Variants in ZFHX3 observed in about 807,000 individuals in gnomAD.
The protein encoded by ZFHX3 is zinc finger homeobox 3.
A neutral mutation model predicts 279.1 loss-of-function variants in ZFHX3; 42 were observed. That is an observed-to-expected ratio of 0.15 (90% CI 0.12 to 0.19). The LOEUF is 0.19. Ranked by LOEUF, ZFHX3 falls within the 10% of genes least tolerant of loss-of-function variation. The pLI is 1.00. For missense variants in ZFHX3, 4,981 were observed against 4,754.0 expected, an observed-to-expected ratio of 1.05 and a Z score of -1.40; for synonymous variants, 2,293 against 1,957.8, an observed-to-expected ratio of 1.17 and a Z score of -4.52.
At chr16:73,580,250 C>T (rs140964604) in intron 2 of ZFHX3, among the ~76,000 whole-genome samples, 2,235 of 151,926 alleles carry the variant, frequency 0.015, 25 homozygotes, top group Non-Finnish European at 0.023. Context: ...GAGGCCAAGG[C>T]GGGCAGATCA....
intron 1 of ZFHX3, among the ~76,000 whole-genome samples, chr16:73,730,727 T>C (rs1311531167): frequency 6.6e-6 from 1 of 152,242 alleles, no homozygotes; most frequent in African/African-American, 2.4e-5. Context: ...AAGCGTGATA[T>C]TTCCGGCCAT....
In ZFHX3 at chr16:72,959,559, T is replaced by C; in HGVS notation, c.587A>G (p.Asn196Ser). The change falls in exon 2 of 10, where the codon AAC (asparagine) becomes AGC (serine). Residue 196 changes from asparagine (N) to serine (S), a missense_variant. This residue lies in a region of ZFHX3 where 1,068 missense variants were observed against 935.2 expected (regional missense o/e 1.14). Coordinates refer to ENST00000268489, the MANE Select transcript of ZFHX3 (RefSeq NM_006885.4). ...GAAGGATGAGGCTATGTGGAAAGTG[T>C]TGATGATCTGCGGGTACACGGGTGC... ...CAAPVYPQII[N>S]TFHIASSFGK... 2 of 1,614,198 alleles carry C rather than the reference T, an allele frequency of 1.2e-6. No individual in the cohort carries two copies. The highest frequency in any genetic ancestry group is 1.7e-6 in the Non-Finnish European group (2 of 1,180,040).
chr16:73,415,495 G>A (rs1246575346), intron 3 of ZFHX3, among the ~76,000 whole-genome samples: 1 of 152,158 alleles, frequency 6.6e-6, no homozygotes, highest in African/African-American at 2.4e-5. Flanking sequence ...GGGAGAAAAG[G>A]GCTGATTCAT....
intron 4 of ZFHX3, among the ~76,000 whole-genome samples, chr16:72,850,323 A>G (rs1476235030): frequency 2.0e-5 from 3 of 152,234 alleles, no homozygotes; most frequent in South Asian, 2.1e-4. Context: ...CTTCACTCCT[A>G]CGCTTCAGTA....
intron 5 of ZFHX3, chr16:72,829,409 A>T: frequency 9.9e-6 from 2 of 201,836 alleles, no homozygotes; most frequent in Non-Finnish European, 2.0e-5. Flanking sequence ...CAGCGACTGG[A>T]CCTTCAATAG....
chr16:73,572,683 G>A (rs568455069), intron 2 of ZFHX3, among the ~76,000 whole-genome samples: 3 of 152,292 alleles, frequency 2.0e-5, no homozygotes, highest in South Asian at 2.1e-4. Context: ...CTCGCACCAC[G>A]GGATTCGATG....
At position 73,337,784 on chromosome 16, in the gene ZFHX3, C is replaced by A. The variant is rs952512889; in HGVS notation, c.-1290-19448G>T. Among the ~76,000 whole-genome samples the A allele has an allele frequency of 8.6e-5, 13 of 150,970 alleles. No individual in the cohort carries two copies. In the Admixed American group the frequency reaches 8.6e-4, roughly 10 times the overall value. On this transcript the variant is annotated intron_variant, in intron 3 of 17. Transcript: ENST00000641206. ...ACCTTGTCATCACCAGCAACGTCAT[C>A]ACTTCTAAAATGCTCTTTTAGAAGC...
intron 4 of ZFHX3, among the ~76,000 whole-genome samples, chr16:73,271,441 G>A (rs1393215783): frequency 6.6e-6 from 1 of 152,166 alleles, no homozygotes; most frequent in Non-Finnish European, 1.5e-5. Flanking sequence ...CTCCGGAGGG[G>A]CAGCACAGCA....
chr16:73,758,868 T>A (rs989874346), intron 1 of ZFHX3, among the ~76,000 whole-genome samples: 2 of 152,244 alleles, frequency 1.3e-5, no homozygotes, highest in Admixed American at 6.5e-5. Context: ...TATCATTGGA[T>A]CTTCACCTCT....
At position 72,793,592 on chromosome 16, in the gene ZFHX3, G is replaced by A. The variant is rs746731855; in HGVS notation, c.9090C>T (p.Gly3030=). ...CAGACAGCCGAGCGCTGTACTTGATGCCACACAAAGTGCACTCTGTTTTGG... is the reference window on the plus strand; with the variant it reads ...CAGACAGCCGAGCGCTGTACTTGATACCACACAAAGTGCACTCTGTTTTGG... The part of the protein sequence containing the change: ...EGPKTECTLC[G]IKYSARLSVR... The change falls in exon 9 of 10, where the codon GGC becomes GGT. Residue 3030 remains glycine (G), a synonymous_variant. Coordinates refer to ENST00000268489, the MANE Select transcript of ZFHX3 (RefSeq NM_006885.4). The surrounding 1 kb of genome is among the most constrained non-coding windows in gnomAD (Gnocchi z 4.3). 6.1e-5 allele frequency: 98 copies of A among 1,614,192 alleles called. No individual in the cohort carries two copies. The highest frequency in any genetic ancestry group is 2.1e-4 in the South Asian group (19 of 91,082).
At chr16:73,146,837 T>C (rs1391897761) in intron 5 of ZFHX3, among the ~76,000 whole-genome samples, 1 of 152,048 alleles carries the variant, frequency 6.6e-6, no homozygotes. Context: ...TTGTATTTTT[T>C]GTAGATGTGG....
chr16:73,884,786 T>C (rs767381874), intron 1 of ZFHX3, among the ~76,000 whole-genome samples: 4 of 152,236 alleles, frequency 2.6e-5, no homozygotes, highest in Admixed American at 6.5e-5. Flanking sequence ...CTGAATAGTT[T>C]TTGAATTAAA....
intron 7 of ZFHX3, among the ~76,000 whole-genome samples, chr16:73,104,911 C>A (rs1966276982): frequency 6.6e-6 from 1 of 152,156 alleles, no homozygotes; most frequent in Non-Finnish European, 1.5e-5. Flanking sequence ...CTGTCCCTCA[C>A]TTGACTGTGA....
chr16:73,228,076 G>A (rs1469201873), intron 5 of ZFHX3, among the ~76,000 whole-genome samples: 4 of 152,074 alleles, frequency 2.6e-5, no homozygotes, highest in East Asian at 1.9e-4. Context: ...ACTTTAGCAC[G>A]TAGTGCCATC....
intron 2 of ZFHX3, among the ~76,000 whole-genome samples, chr16:73,475,238 C>A (rs1597349722): frequency 1.3e-5 from 2 of 152,210 alleles, no homozygotes; most frequent in African/African-American, 4.8e-5. Flanking sequence ...CACCAATACA[C>A]TGACTTTACG....
chr16:73,651,866 AAAAAG>A (rs906496494), intron 2 of ZFHX3, among the ~76,000 whole-genome samples: 3 of 151,808 alleles, frequency 2.0e-5, no homozygotes, highest in Non-Finnish European at 4.4e-5. Flanking sequence ...AAAAAAAAAA[AAAAAG>A]AGACAAATTG....
chr16:72,829,058 G>A (rs140882336), intron 5 of ZFHX3, among the ~76,000 whole-genome samples: 128 of 151,754 alleles, frequency 8.4e-4, no homozygotes, highest in African/African-American at 3.0e-3. Context: ...TGCAGTGGCT[G>A]GCATGATTAG....
intron 2 of ZFHX3, among the ~76,000 whole-genome samples, chr16:73,608,148 C>T (rs570619586): frequency 5.9e-5 from 9 of 152,186 alleles, no homozygotes; most frequent in Non-Finnish European, 1.0e-4. Flanking sequence ...ACTGCAATCC[C>T]CTCCTAGACT....
intron 4 of ZFHX3, among the ~76,000 whole-genome samples, chr16:73,279,285 A>C (rs1169502456): frequency 1.3e-5 from 2 of 152,126 alleles, no homozygotes; most frequent in Non-Finnish European, 2.9e-5. Context: ...AAACATCCCA[A>C]AGACTACGAT....
Sources: gnomAD v4.1 joint callset for allele counts (sites outside exome capture counted in the v4.1 genomes callset) on GRCh38, gnomAD v4.1.1 for gene constraint, gnomAD v4.1.1 regional missense constraint, Gnocchi (gnomAD v3.1) non-coding constraint, MANE v1.5 for transcripts, NCBI Gene and HGNC (gene_info 2026-07-23, HGNC 2026-07-21) for gene names.